CCNB1IP1: variants seen among roughly 807,000 people sequenced by gnomAD.
CCNB1IP1 encodes the protein E3 ubiquitin-protein ligase CCNB1IP1.
CCNB1IP1 carries 14 observed loss-of-function variants against 25.6 expected under a neutral mutation model. The observed-to-expected ratio is 0.55, with a 90% CI of 0.36 to 0.85. The LOEUF (loss-of-function observed/expected upper bound fraction) is 0.85. Ranked by LOEUF, CCNB1IP1 falls within the 40% of genes least tolerant of loss-of-function variation. The pLI is 0.01. For missense variants in CCNB1IP1, 278 were observed against 342.4 expected (o/e 0.81, Z 1.48); for synonymous variants, 119 against 116.1 (o/e 1.02, Z -0.16).
At chr14:20,313,408 A>C (rs898307981) in intron 6 of CCNB1IP1, 60 bp downstream of exon 6, 1 of 1,312,686 alleles carries the variant, frequency 7.6e-7, no homozygotes. Context: ...GGAAGTGGGC[A>C]GAGCAGTATA....
intron 1 of CCNB1IP1, chr14:20,332,824 T>TG (rs1448030688): frequency 6.6e-6 from 1 of 152,212 alleles, no homozygotes; most frequent in African/African-American, 2.4e-5. Flanking sequence ...AGTAAGGACC[T>TG]GGGCCCTCTA....
chr14:20,318,812 G>A (rs925626783), intron 4 of CCNB1IP1, among the ~76,000 whole-genome samples: 1 of 152,114 alleles, frequency 6.6e-6, no homozygotes, highest in African/African-American at 2.4e-5. Flanking sequence ...GCCCAGGCTG[G>A]AGTGCTGTGA....
Position 20,311,507 on chromosome 14 carries a change from T to C in CCNB1IP1, c.*43A>G, listed in dbSNP as rs1304349941. The C allele has an allele frequency of 6.5e-7, 1 of 1,550,384 alleles. No individual in the cohort carries two copies. Among genetic ancestry groups the C allele is most frequent in the African/African-American group, 1.4e-5 (1 of 73,540 alleles). On this transcript the variant is annotated 3_prime_UTR_variant, in exon 7 of 7. Coordinates refer to ENST00000358932, the MANE Select transcript of CCNB1IP1 (RefSeq NM_021178.5). ...TCAAGTGATCCTCCCAGCCTCAACC[T>C]CCTAAGTAGCTGGGATCACAGGTGC...
At chr14:20,319,641 C>G (rs955049053) in intron 4 of CCNB1IP1, among the ~76,000 whole-genome samples, 1 of 152,166 alleles carries the variant, frequency 6.6e-6, no homozygotes, top group Non-Finnish European at 1.5e-5. Context: ...AAATATGCTA[C>G]AATTTATCCA....
At chr14:20,328,214 G>T (rs1241705003) in intron 2 of CCNB1IP1, among the ~76,000 whole-genome samples, 1 of 152,132 alleles carries the variant, frequency 6.6e-6, no homozygotes, top group Non-Finnish European at 1.5e-5. Context: ...CACCTAACTA[G>T]TAAGAGCTAG....
chr14:20,322,327 T>C (rs1455126026), intron 4 of CCNB1IP1, among the ~76,000 whole-genome samples: 2 of 152,074 alleles, frequency 1.3e-5, no homozygotes, highest in Non-Finnish European at 2.9e-5. Context: ...GAACCCTCTA[T>C]GGCTCCCACA....
chr14:20,318,930 T>G (rs1341195147), intron 4 of CCNB1IP1: 2 of 152,192 alleles, frequency 1.3e-5, no homozygotes, highest in Non-Finnish European at 2.9e-5. Context: ...ACCCCGCTAA[T>G]TTTTGTATTT....
At chr14:20,332,026 ATTTTTTTTTTTT>A (rs57345952) in intron 1 of CCNB1IP1, among the ~76,000 whole-genome samples, 2 of 40,750 alleles carry the variant, frequency 4.9e-5, no homozygotes, top group East Asian at 1.7e-3. Context: ...ATATATATAT[ATTTTTTTTTTTT>A]TTTTTTTTTT....
chr14:20,316,515 CAA>C lies in CCNB1IP1; in HGVS notation c.7_8del (p.Leu3ValfsTer2), dbSNP rs1439373019. 1 of 1,605,860 alleles carries C rather than the reference CAA, an allele frequency of 6.2e-7. No individual in the cohort carries two copies. Among genetic ancestry groups the C allele is most frequent in the African/African-American group, 1.3e-5 (1 of 74,832 alleles). The stretch of plus-strand genomic sequence containing the variant: ...AATTACAAAGCAGCATGTCTTCACA[CAA>C]AGACATAATAGGATAGTGAGGTCTC... MS[L>X]CEDMLLCNYR... On this transcript the variant is annotated frameshift_variant, in exon 5 of 7. Transcript: ENST00000358932. LOFTEE classifies it high-confidence loss of function.
intron 4 of CCNB1IP1, chr14:20,323,432 A>ATT (rs1882959605): frequency 6.6e-6 from 1 of 152,242 alleles, no homozygotes; most frequent in African/African-American, 2.4e-5. Flanking sequence ...AATACAAAAA[A>ATT]TTAGCCAGGC....
intron 4 of CCNB1IP1, among the ~76,000 whole-genome samples, chr14:20,323,917 C>CAAAAAAAAAAAA (rs59156707): frequency 1.4e-5 from 1 of 73,702 alleles, no homozygotes. Context: ...GACTCCGTCT[C>CAAAAAAAAAAAA]AAAAAAAAAA....
chr14:20,320,779 T>C (rs1461604488), intron 4 of CCNB1IP1, among the ~76,000 whole-genome samples: 1 of 141,926 alleles, frequency 7.0e-6, no homozygotes, highest in Non-Finnish European at 1.5e-5. Context: ...CACTCCAGTC[T>C]GGGCAACAAA....
chr14:20,312,784 A>T (rs1882543603), intron 6 of CCNB1IP1, among the ~76,000 whole-genome samples: 1 of 151,766 alleles, frequency 6.6e-6, no homozygotes, highest in Admixed American at 6.6e-5. Flanking sequence ...GATTTAAAGA[A>T]AGAACCCTAT....
intron 4 of CCNB1IP1, among the ~76,000 whole-genome samples, chr14:20,319,398 CTGTT>C (rs1382936668): frequency 2.0e-5 from 3 of 152,148 alleles, no homozygotes; most frequent in Non-Finnish European, 4.4e-5. Context: ...CTGTTTTTGG[CTGTT>C]TGAGCCTTCT....
intron 4 of CCNB1IP1, chr14:20,317,638 T>C (rs936773109): frequency 6.6e-6 from 1 of 152,320 alleles, no homozygotes; most frequent in East Asian, 1.9e-4. Flanking sequence ...TAATTCCGAA[T>C]CTTCCACCAG....
chr14:20,330,125 A>AAAAAAAAAAAAAAAAAAC (rs1345596226), intron 1 of CCNB1IP1, among the ~76,000 whole-genome samples: 3 of 150,824 alleles, frequency 2.0e-5, no homozygotes, highest in African/African-American at 7.4e-5. Context: ...AAAACAAAAA[A>AAAAAAAAAAAAAAAAAAC]CATGTCCTTT....
At chr14:20,332,665 A>G (rs1256329819) in intron 1 of CCNB1IP1, among the ~76,000 whole-genome samples, 2 of 152,164 alleles carry the variant, frequency 1.3e-5, no homozygotes, top group Non-Finnish European at 2.9e-5. Flanking sequence ...TTAAGGACAC[A>G]ATCACCACAG....
At chr14:20,326,484 C>A (rs780296759) in intron 3 of CCNB1IP1, 1 of 534,742 alleles carries the variant, frequency 1.9e-6, no homozygotes, top group South Asian at 1.4e-5. Context: ...TCAGGCTGAT[C>A]AGCTGAAACA....
intron 5 of CCNB1IP1, chr14:20,315,461 G>A (rs1594275315): frequency 2.8e-6 from 3 of 1,089,654 alleles, no homozygotes; most frequent in Non-Finnish European, 3.4e-6. Flanking sequence ...AAAAATAGAG[G>A]AGCATGTAAG....
Sources: gnomAD v4.1 joint callset for allele counts (sites outside exome capture counted in the v4.1 genomes callset) on GRCh38, gnomAD v4.1.1 for gene constraint, MANE v1.5 for transcripts, NCBI Gene and HGNC (gene_info 2026-07-23, HGNC 2026-07-21) for gene names.